The following SS18 variants were observed in gnomAD, a reference collection of about 807,000 sequenced individuals.
SS18 encodes the protein SS18 subunit of BAF chromatin remodeling complex, also known as protein SSXT.
Under a neutral mutation model 72.5 loss-of-function variants are expected in SS18, and 28 were observed. The ratio of observed to expected loss-of-function variants is 0.39; its 90% confidence interval spans 0.29 to 0.53. SS18 has a LOEUF of 0.53. Ranked by LOEUF, SS18 falls within the 20% of genes least tolerant of loss-of-function variation. The pLI, the probability that SS18 is intolerant of heterozygous loss-of-function variation, is 0.76. For missense variants in SS18, 518 were observed against 535.3 expected, an observed-to-expected ratio of 0.97 and a Z score of 0.32; for synonymous variants, 172 against 164.2, an observed-to-expected ratio of 1.05 and a Z score of -0.37.
chr18:26,039,168 CAAAAAAAAAAAA>C (rs34318951), intron 6 of SS18, 109 bp downstream of exon 6: 56 of 251,656 alleles, frequency 2.2e-4, no homozygotes, highest in South Asian at 3.1e-4. Flanking sequence ...TACCTTTTGT[CAAAAAAAAAAAA>C]AAAAAAAAAA....
At chr18:26,073,657 G>T (rs2054356563) in intron 3 of SS18, among the ~76,000 whole-genome samples, 1 of 152,112 alleles carries the variant, frequency 6.6e-6, no homozygotes, top group African/African-American at 2.4e-5. Flanking sequence ...TGCAGTTGAA[G>T]AAAGAAAAAG....
intron 10 of SS18, among the ~76,000 whole-genome samples, chr18:26,026,982 A>G (rs2053456698): frequency 6.6e-6 from 1 of 152,174 alleles, no homozygotes; most frequent in Non-Finnish European, 1.5e-5. Context: ...TGCCATGTTC[A>G]TAGGTTGGAA....
chr18:26,061,233 A>G (rs567939247), intron 3 of SS18, among the ~76,000 whole-genome samples: 1 of 150,412 alleles, frequency 6.6e-6, no homozygotes, highest in South Asian at 2.1e-4. Context: ...GAATTGCTAG[A>G]ACTCAGGAGG....
chr18:26,064,920 A>G (rs2054186202), intron 3 of SS18: 1 of 152,152 alleles, frequency 6.6e-6, no homozygotes, highest in Non-Finnish European at 1.5e-5. Context: ...AGGTCAATAT[A>G]TAAAGATCAA....
intron 3 of SS18, among the ~76,000 whole-genome samples, chr18:26,066,489 G>C (rs2054218873): frequency 6.6e-6 from 1 of 151,844 alleles, no homozygotes; most frequent in Admixed American, 6.6e-5. Flanking sequence ...CTTTCCAGTT[G>C]CCCTTCTGAA....
chr18:26,090,910 C>G, upstream of SS18: 1 of 361,660 alleles, frequency 2.8e-6, no homozygotes, highest in Non-Finnish European at 5.0e-6. Context: ...AATGGTCCCG[C>G]CGCCGCGGGA....
chr18:26,072,319 C>T (rs1047089766), intron 3 of SS18, among the ~76,000 whole-genome samples: 1 of 150,356 alleles, frequency 6.7e-6, no homozygotes, highest in Non-Finnish European at 1.5e-5. Flanking sequence ...GTGGCTCACA[C>T]CTGTAATCCC....
chr18:26,024,625 T>G (rs904578426), intron 10 of SS18, among the ~76,000 whole-genome samples: 1 of 152,198 alleles, frequency 6.6e-6, no homozygotes, highest in East Asian at 1.9e-4. Context: ...TCTACCTTTT[T>G]GAATATGCTT....
At chr18:26,065,613 ATTTC>A (rs1475449629) in intron 3 of SS18, among the ~76,000 whole-genome samples, 4 of 151,668 alleles carry the variant, frequency 2.6e-5, no homozygotes, top group South Asian at 2.1e-4. Context: ...ACAGGAAAAT[ATTTC>A]TTTAACAGGA....
intron 10 of SS18, among the ~76,000 whole-genome samples, chr18:26,024,515 C>CCAAA (rs1383049083): frequency 1.3e-5 from 2 of 152,100 alleles, no homozygotes; most frequent in Admixed American, 1.3e-4. Context: ...GGGGGTCTCG[C>CCAAA]TTTGTTGCCC....
intron 5 of SS18, among the ~76,000 whole-genome samples, chr18:26,047,536 A>G (rs974419486): frequency 6.6e-6 from 1 of 152,140 alleles, no homozygotes. Context: ...AAAACAAACT[A>G]TTTTAAAAAG....
At chr18:26,082,487 T>A in intron 2 of SS18, 1 of 985,216 alleles carries the variant, frequency 1.0e-6, no homozygotes. Flanking sequence ...ATTTTTTTTG[T>A]TGTTTGAAAT....
At chr18:26,033,521 A>C (rs2053579011) in intron 9 of SS18, among the ~76,000 whole-genome samples, 1 of 152,134 alleles carries the variant, frequency 6.6e-6, no homozygotes, top group Non-Finnish European at 1.5e-5. Context: ...CAAAAAAAAA[A>C]AAAAAGCATA....
intron 10 of SS18, among the ~76,000 whole-genome samples, chr18:26,028,897 C>T (rs1221044553): frequency 6.6e-6 from 1 of 152,096 alleles, no homozygotes; most frequent in East Asian, 1.9e-4. Flanking sequence ...TTATTACATG[C>T]AGTTTAATGG....
chr18:26,046,262 T>C (rs780558263), intron 5 of SS18, among the ~76,000 whole-genome samples: 5 of 136,282 alleles, frequency 3.7e-5, no homozygotes, highest in Non-Finnish European at 7.4e-5. Flanking sequence ...TTAAAGTGTT[T>C]CACTTCTTTG....
rs1555647741 is a variant in SS18, at chr18:26,047,280, A to AG, written c.607+5343_607+5344insC. On this transcript the variant is annotated intron_variant, in intron 5 of 10. Coordinates refer to ENST00000415083, the MANE Select transcript of SS18 (RefSeq NM_001007559.3). ...ATGCCAAAAAAAAAAAAAAAAAAAA[A>AG]AAGAAGAAGAAGAAAAGCTCCATGG... Among the ~76,000 whole-genome samples, 1,474 of 147,546 alleles carry AG rather than the reference A, an allele frequency of 1.0e-2. 10 individuals carry two copies. Among genetic ancestry groups the AG allele is most frequent in the Non-Finnish European group, 0.015 (1,034 of 66,710 alleles).
rs542394033 is a variant in SS18, at chr18:26,048,309, ATT to A, written c.607+4313_607+4314del. On this transcript the variant is annotated intron_variant, in intron 5 of 10. Coordinates refer to ENST00000415083, the MANE Select transcript of SS18 (RefSeq NM_001007559.3). Reference sequence around the variant, plus strand: ...TAATCAAAGACATAGCTACAAAGACATTTTTTCCAGAAGTATTTGTAAAAGAC... The same window carrying A: ...TAATCAAAGACATAGCTACAAAGACATTTTCCAGAAGTATTTGTAAAAGAC... 5.1e-4 allele frequency among the ~76,000 whole-genome samples: 77 copies of A among 152,324 alleles called. 1 individual carries two copies. Among genetic ancestry groups the A allele is most frequent in the African/African-American group, 1.8e-3 (76 of 41,590 alleles).
chr18:26,064,222 A>G (rs904574327), intron 3 of SS18, among the ~76,000 whole-genome samples: 1 of 152,128 alleles, frequency 6.6e-6, no homozygotes, highest in Non-Finnish European at 1.5e-5. Context: ...CTTCTAAACC[A>G]TTAAGAATAA....
intron 3 of SS18, among the ~76,000 whole-genome samples, chr18:26,073,522 G>A (rs558529271): frequency 7.2e-4 from 110 of 152,288 alleles, no homozygotes; most frequent in African/African-American, 2.6e-3. Context: ...TGCCTTTTAT[G>A]CTAAGTGCAC....
Sources: allele counts gnomAD v4.1 joint callset (sites outside exome capture counted in the v4.1 genomes callset), GRCh38; gene constraint gnomAD v4.1.1; transcripts MANE v1.5; gene names NCBI Gene and HGNC (gene_info 2026-07-23, HGNC 2026-07-21).